The following COL23A1 variants were observed in gnomAD, a reference collection of about 807,000 sequenced individuals.
The protein encoded by COL23A1 is collagen type XXIII alpha 1 chain, also known as collagen alpha-1(XXIII) chain.
COL23A1 carries 97 observed loss-of-function variants against 99.3 expected under a neutral mutation model. That is an observed-to-expected ratio of 0.98 (90% CI 0.83 to 1.16). The LOEUF is 1.16. Among genes scored for constraint, COL23A1 ranks in the 50% most tolerant of loss-of-function variants. COL23A1 has a pLI of 0.00. For synonymous variants in COL23A1, 320 were observed against 308.2 expected (o/e 1.04, Z -0.40); for missense variants, 762 against 757.4 (o/e 1.01, Z -0.07).
At chr5:178,348,193 G>A (rs965151187) in intron 2 of COL23A1, among the ~76,000 whole-genome samples, 2 of 152,012 alleles carry the variant, frequency 1.3e-5, no homozygotes, top group South Asian at 2.1e-4. Flanking sequence ...TCCACCTGCC[G>A]CCCAGGGCTT....
At chr5:178,249,522 T>C (rs1480557308) in intron 18 of COL23A1, among the ~76,000 whole-genome samples, 2 of 152,178 alleles carry the variant, frequency 1.3e-5, no homozygotes, top group African/African-American at 4.8e-5. Flanking sequence ...CAGAAGCTAG[T>C]GGTGGGACTC....
chr5:178,552,820 T>C (rs1762069881), intron 2 of COL23A1, among the ~76,000 whole-genome samples: 2 of 151,896 alleles, frequency 1.3e-5, no homozygotes, highest in Admixed American at 1.3e-4. Context: ...TTCAAGTGAT[T>C]CTCCTGCCTC....
chr5:178,301,841 C>T (rs1400544879), intron 3 of COL23A1, among the ~76,000 whole-genome samples: 2 of 150,538 alleles, frequency 1.3e-5, no homozygotes, highest in African/African-American at 4.9e-5. Context: ...TGTGTGTGCG[C>T]CGGAGCACAG....
At chr5:178,585,727 A>AGCCCTGGTTGATGCTGGGGGTAACG (rs1562115542) in intron 1 of COL23A1, among the ~76,000 whole-genome samples, 3 of 10,822 alleles carry the variant, frequency 2.8e-4, no homozygotes, top group East Asian at 2.2e-3. Flanking sequence ...CTGGGGTAAC[A>AGCCCTGGTTGATGCTGGGGGTAACG]CTCCACAGCC....
At chr5:178,293,555 G>T (rs1350420988) in intron 3 of COL23A1, among the ~76,000 whole-genome samples, 2 of 152,146 alleles carry the variant, frequency 1.3e-5, no homozygotes, top group African/African-American at 4.8e-5. Context: ...AGGGCCACGG[G>T]GGCTGGGGGT....
chr5:178,311,192 C>T (rs10447307), intron 2 of COL23A1, among the ~76,000 whole-genome samples: 22,070 of 151,988 alleles, frequency 0.15, 1,767 homozygotes, highest in Middle Eastern at 0.27. Flanking sequence ...GAGGCTGGGG[C>T]GAGGGGTATG....
chr5:178,348,860 A>G (rs553800221), intron 2 of COL23A1, among the ~76,000 whole-genome samples: 1 of 152,212 alleles, frequency 6.6e-6, no homozygotes, highest in South Asian at 2.1e-4. Context: ...CCAACCCCCC[A>G]GCAGGGAGGG....
intron 2 of COL23A1, among the ~76,000 whole-genome samples, chr5:178,334,783 GT>G (rs1434200500): frequency 6.6e-6 from 1 of 152,174 alleles, no homozygotes; most frequent in African/African-American, 2.4e-5. Context: ...TGTCTCACAC[GT>G]TTCCGCCAAG....
At chr5:178,298,602 G>A (rs1009431939) in intron 3 of COL23A1, among the ~76,000 whole-genome samples, 13 of 152,120 alleles carry the variant, frequency 8.5e-5, no homozygotes, top group Admixed American at 7.9e-4. Flanking sequence ...CTTCCCCTCT[G>A]CCTGTGACTT....
rs921097203 is a variant in COL23A1, at chr5:178,309,502, C to T, written c.362-2583G>A. On this transcript the variant is annotated intron_variant, in intron 2 of 28. Transcript: ENST00000390654. The surrounding 1 kb of genome is among the most constrained non-coding windows in gnomAD (Gnocchi z 4.7). ...CCTGAGGGCTGATCCTAACCAGGCA[C>T]GGTGCTGGGGGCGCCATGTGACCGA... 5.9e-5 allele frequency among the ~76,000 whole-genome samples: 9 copies of T among 152,078 alleles called. No individual in the cohort carries two copies. Among genetic ancestry groups the T allele is most frequent in the African/African-American group, 1.9e-4 (8 of 41,390 alleles).
At chr5:178,559,010 G>A (rs1011368666) in intron 2 of COL23A1, among the ~76,000 whole-genome samples, 14 of 152,144 alleles carry the variant, frequency 9.2e-5, no homozygotes, top group African/African-American at 3.1e-4. Context: ...GACTGCTCTC[G>A]AACTCCTGAC....
chr5:178,343,217 A>T (rs1436714281), intron 2 of COL23A1, among the ~76,000 whole-genome samples: 1 of 152,214 alleles, frequency 6.6e-6, no homozygotes, highest in East Asian at 1.9e-4. Flanking sequence ...AAGGGTGATC[A>T]GATTCCGAAG....
intron 2 of COL23A1, among the ~76,000 whole-genome samples, chr5:178,518,301 T>C (rs903380319): frequency 1.3e-5 from 2 of 149,430 alleles, no homozygotes; most frequent in African/African-American, 5.0e-5. Context: ...TACTTCTTTC[T>C]ACACAGACAC....
At chr5:178,399,110 G>T (rs1561936832) in intron 2 of COL23A1, among the ~76,000 whole-genome samples, 1 of 152,226 alleles carries the variant, frequency 6.6e-6, no homozygotes, top group African/African-American at 2.4e-5. Flanking sequence ...TCATGCACAC[G>T]GATGCTGGCA....
intron 18 of COL23A1, among the ~76,000 whole-genome samples, chr5:178,249,716 A>ACACACACTCTCTCTCTCTCTCTCT: frequency 2.0e-4 from 19 of 92,744 alleles, no homozygotes; most frequent in Non-Finnish European, 2.8e-4. Context: ...ACACACACAC[A>ACACACACTCTCTCTCTCTCTCTCT]CTCTCTCTCT....
intron 2 of COL23A1, among the ~76,000 whole-genome samples, chr5:178,357,416 A>C (rs4076637): frequency 0.45 from 68,824 of 152,092 alleles, 15,668 homozygotes; most frequent in Middle Eastern, 0.49. Flanking sequence ...GAGAACTCAC[A>C]ATGAAATCAG....
intron 2 of COL23A1, among the ~76,000 whole-genome samples, chr5:178,425,806 G>C (rs1287433210): frequency 2.0e-5 from 3 of 152,230 alleles, no homozygotes; most frequent in Non-Finnish European, 4.4e-5. Flanking sequence ...TTGGAAAGAT[G>C]CTTTGATATT....
chr5:178,381,478 G>A (rs997775741), intron 2 of COL23A1, among the ~76,000 whole-genome samples: 2 of 152,136 alleles, frequency 1.3e-5, no homozygotes, highest in Non-Finnish European at 2.9e-5. Context: ...CCTGCCTGTC[G>A]CTGGTCTGTG....
At chr5:178,500,068 G>A (rs1223312922) in intron 2 of COL23A1, among the ~76,000 whole-genome samples, 2 of 152,056 alleles carry the variant, frequency 1.3e-5, no homozygotes, top group Non-Finnish European at 2.9e-5. Context: ...AGGGTGGGGA[G>A]GTACAGGGAG....
Sources: allele counts gnomAD v4.1 joint callset (sites outside exome capture counted in the v4.1 genomes callset), GRCh38; gene constraint gnomAD v4.1.1; non-coding constraint Gnocchi (gnomAD v3.1); transcripts MANE v1.5; gene names NCBI Gene and HGNC (gene_info 2026-07-23, HGNC 2026-07-21).